Variants in DLG1 observed in about 807,000 individuals in gnomAD.
DLG1 encodes discs large MAGUK scaffold protein 1, also known as disks large homolog 1.
DLG1 carries 42 observed loss-of-function variants against 123.4 expected under a neutral mutation model. The ratio of observed to expected loss-of-function variants is 0.34; its 90% CI spans 0.27 to 0.44. DLG1 has a LOEUF of 0.44. Ranked by LOEUF, DLG1 falls within the 20% of genes least tolerant of loss-of-function variation. DLG1 has a pLI of 1.00. For missense variants in DLG1, 942 were observed against 1,082.6 expected (o/e 0.87, Z 1.82); for synonymous variants, 317 against 356.2 (o/e 0.89, Z 1.24).
At position 197,194,416 on chromosome 3, in the gene DLG1, C is replaced by A. The variant is rs763918427; in HGVS notation, c.483+9G>T. ...AATTCATAACAATAATAAATAGATA[C>A]TATCCTACCTTTATTGGTGAAATAT... On this transcript the variant is annotated intron_variant, in intron 5 of 24. Coordinates refer to ENST00000667157, the MANE Select transcript of DLG1 (RefSeq NM_001366207.1). 1 of 1,526,400 alleles carries A rather than the reference C, an allele frequency of 6.6e-7. No homozygotes were observed. Among genetic ancestry groups the A allele is most frequent in the Non-Finnish European group, 8.8e-7 (1 of 1,130,098 alleles). The allele number at this position is 1,526,400 out of a possible 1,614,324, so 94.6% of individuals were successfully genotyped here. A position where few individuals can be genotyped will look rare whatever the true frequency, so the allele number is the denominator to read the frequency against.
intron 1 of DLG1, chr3:197,297,971 G>GCGGCCTCGTCCTCCTTCT: frequency 1.0e-6 from 1 of 974,932 alleles, no homozygotes; most frequent in Non-Finnish European, 1.2e-6. Flanking sequence ...CCGCACCCCC[G>GCGGCCTCGTCCTCCTTCT]CGGCCTCGTC....
chr3:197,222,341 A>G (rs977975876), intron 4 of DLG1, among the ~76,000 whole-genome samples: 5 of 152,218 alleles, frequency 3.3e-5, no homozygotes, highest in African/African-American at 1.2e-4. Flanking sequence ...AGCAAAGCCC[A>G]AGAAAAAAGA....
chr3:197,183,202 A>C (rs1713524975), intron 5 of DLG1, among the ~76,000 whole-genome samples: 1 of 152,198 alleles, frequency 6.6e-6, no homozygotes, highest in Non-Finnish European at 1.5e-5. Context: ...AGGTTATCTA[A>C]TAACATACAA....
At chr3:197,265,445 G>A (rs1010159312) in intron 4 of DLG1, among the ~76,000 whole-genome samples, 1 of 152,124 alleles carries the variant, frequency 6.6e-6, no homozygotes, top group African/African-American at 2.4e-5. Context: ...GAAACTCAAC[G>A]AAACCCAGCA....
At chr3:197,094,497 T>C (rs1324982454) in intron 14 of DLG1, among the ~76,000 whole-genome samples, 1 of 152,250 alleles carries the variant, frequency 6.6e-6, no homozygotes, top group East Asian at 1.9e-4. Context: ...TATATCCAGT[T>C]AAAAACTTTA....
rs1297915618 is a variant in DLG1, at chr3:197,130,399, A to G, written c.1165+128T>C. The G allele has an allele frequency of 6.0e-6, 5 of 829,658 alleles. No individual in the cohort carries two copies. In the South Asian group the frequency reaches 1.4e-4, roughly 23 times the overall value. 51.4% of individuals were successfully genotyped at this position (829,658 alleles called of 1,614,324 possible). ...GATTTTAAAAAATGAGTAGATTAAC[A>G]TGCTTAATTGTTTCTTTAAAAATAT... On this transcript the variant is annotated intron_variant, in intron 11 of 24. Transcript: ENST00000667157.
At chr3:197,144,674 C>T (rs1403342609) in intron 6 of DLG1, among the ~76,000 whole-genome samples, 1 of 152,140 alleles carries the variant, frequency 6.6e-6, no homozygotes, top group Non-Finnish European at 1.5e-5. Context: ...GGAGTTTCTT[C>T]CTTGAGAACT....
At chr3:197,145,221 C>T (rs951909489) in intron 6 of DLG1, among the ~76,000 whole-genome samples, 1 of 152,070 alleles carries the variant, frequency 6.6e-6, no homozygotes, top group African/African-American at 2.4e-5. Context: ...CAGCAATATC[C>T]CCTTTCTTAT....
At chr3:197,051,456 G>C in intron 24 of DLG1, 121 bp downstream of exon 24, 1 of 720,910 alleles carries the variant, frequency 1.4e-6, no homozygotes, top group Non-Finnish European at 2.4e-6. Context: ...GCCTAGGCTG[G>C]ATGATACTAG....
chr3:197,088,746 G>C (rs1194303278), intron 15 of DLG1, among the ~76,000 whole-genome samples: 1 of 152,190 alleles, frequency 6.6e-6, no homozygotes. Flanking sequence ...AAACTCTACA[G>C]TGGTTACTGG....
chr3:197,168,339 C>T (rs1356208479), intron 5 of DLG1, among the ~76,000 whole-genome samples: 1 of 152,234 alleles, frequency 6.6e-6, no homozygotes, highest in Non-Finnish European at 1.5e-5. Context: ...ATTCCCTAAT[C>T]ACAACTGATA....
chr3:197,080,426 A>T (rs1321694435), intron 17 of DLG1: 10 of 149,886 alleles, frequency 6.7e-5, no homozygotes, highest in Non-Finnish European at 1.3e-4. Context: ...CTACAGGTGC[A>T]AGCCATCACG....
At chr3:197,127,239 A>G (rs1265216720) in intron 11 of DLG1, among the ~76,000 whole-genome samples, 4 of 151,030 alleles carry the variant, frequency 2.6e-5, no homozygotes, top group African/African-American at 9.7e-5. Flanking sequence ...CCTGGCCAAC[A>G]TGGCGAAACC....
rs775224987 is a variant in DLG1, at chr3:197,140,189, T to C, written c.664A>G (p.Ile222Val). 13 of 1,613,452 alleles carry C rather than the reference T, an allele frequency of 8.1e-6. No individual in the cohort carries two copies. The Admixed American group carries it at 1.3e-4, about 17-fold the overall frequency. Reference sequence around the variant, plus strand: ...GCTCCCCCTGTGATAATTTTGGTAATGAAAATACTTGAGTCATCTCCAATG... The same window carrying C: ...GCTCCCCCTGTGATAATTTTGGTAACGAAAATACTTGAGTCATCTCCAATG... Reference protein sequence around the residue: ...PHIGDDSSIFITKIITGGAAA... With the variant: ...PHIGDDSSIFVTKIITGGAAA... The change falls in exon 8 of 25, where the codon ATT becomes GTT. Residue 222 changes from isoleucine to valine, a missense_variant. By Grantham distance (29) the Ile-to-Val change is conservative. Transcript: ENST00000667157.
chr3:197,289,224 G>A (rs933893800), intron 3 of DLG1, among the ~76,000 whole-genome samples: 2 of 152,204 alleles, frequency 1.3e-5, no homozygotes, highest in Non-Finnish European at 2.9e-5. Context: ...TTAACTAGAT[G>A]AGGTTTTTCA....
chr3:197,296,691 T>C, intron 2 of DLG1: 1 of 455,460 alleles, frequency 2.2e-6, no homozygotes, highest in Non-Finnish European at 3.9e-6. Context: ...ATATATCACA[T>C]TAGAAAACGG....
At position 197,158,494 on chromosome 3, in the gene DLG1, C is replaced by T. The variant is rs1013317051; in HGVS notation, c.484-8698G>A. Among the ~76,000 whole-genome samples the T allele has an allele frequency of 4.0e-5, 6 of 148,520 alleles. No individual in the cohort carries two copies. In the East Asian group the frequency reaches 1.2e-3, roughly 29 times the overall value. The stretch of plus-strand genomic sequence containing the variant: ...AAAAAAAAAAAAAAAATTAGCCGGG[C>T]GTGGTGGCACATGCCTGTAATCCCA... On this transcript the variant is annotated intron_variant, in intron 5 of 24. Coordinates refer to ENST00000667157, the MANE Select transcript of DLG1 (RefSeq NM_001366207.1).
chr3:197,111,063 G>A (rs1769728944), intron 13 of DLG1, among the ~76,000 whole-genome samples: 1 of 152,018 alleles, frequency 6.6e-6, no homozygotes, highest in South Asian at 2.1e-4. Flanking sequence ...TTTATTGATC[G>A]GTCTACTATT....
chr3:197,060,413 C>T (rs1309729664), intron 22 of DLG1, among the ~76,000 whole-genome samples: 2 of 152,142 alleles, frequency 1.3e-5, no homozygotes, highest in Non-Finnish European at 2.9e-5. Flanking sequence ...GGATGATAGG[C>T]ATGAGCCACT....
Sources: gnomAD v4.1 joint callset for allele counts (sites outside exome capture counted in the v4.1 genomes callset) on GRCh38, gnomAD v4.1.1 for gene constraint, MANE v1.5 for transcripts, NCBI Gene and HGNC (gene_info 2026-07-23, HGNC 2026-07-21) for gene names.